Variants in ATP5PB observed in about 807,000 individuals in gnomAD.
The protein encoded by ATP5PB is ATP synthase peripheral stalk-membrane subunit b.
Under a neutral mutation model 34.5 loss-of-function variants are expected in ATP5PB, and 21 were observed. That is an observed-to-expected ratio of 0.61 (90% CI 0.43 to 0.88). The LOEUF is 0.88. Among genes scored for constraint, ATP5PB ranks in the 40% least tolerant of loss-of-function variants. The probability of loss-of-function intolerance (pLI) is 0.00; values close to 1 mark genes in which losing one functional copy is unlikely to be tolerated. For missense variants in ATP5PB, 293 were observed against 317.4 expected (o/e 0.92, Z 0.58); for synonymous variants, 108 against 114.1 (o/e 0.95, Z 0.34).
At chr1:111,449,690 T>C in intron 1 of ATP5PB, 109 bp downstream of exon 1, 2 of 1,537,772 alleles carry the variant, frequency 1.3e-6, no homozygotes, top group Non-Finnish European at 1.8e-6. Context: ...GAGAGGCGAG[T>C]GGTCAGTGCA....
chr1:111,457,342 A>AC (rs1557801147), intron 5 of ATP5PB, among the ~76,000 whole-genome samples: 2 of 134,782 alleles, frequency 1.5e-5, no homozygotes, highest in African/African-American at 6.1e-5. Context: ...CACACACACA[A>AC]ACAACAAATT....
At chr1:111,454,573 T>A (rs189079612) in intron 3 of ATP5PB, among the ~76,000 whole-genome samples, 1 of 152,092 alleles carries the variant, frequency 6.6e-6, no homozygotes, top group Non-Finnish European at 1.5e-5. Context: ...CACCTCAGCC[T>A]CCCGAGTAGC....
rs143447407 is a variant in ATP5PB, at chr1:111,449,863, C to T, written c.67C>T (p.Leu23=). 9 of 1,614,130 alleles carry T rather than the reference C, an allele frequency of 5.6e-6. No homozygotes were observed. The highest frequency in any genetic ancestry group is 6.8e-6 in the Non-Finnish European group (8 of 1,179,996). The change falls in exon 2 of 7, where the codon CTA becomes TTA. Residue 23 remains leucine, a synonymous_variant. Coordinates refer to ENST00000369722, the MANE Select transcript of ATP5PB (RefSeq NM_001688.5). ...CCCCTCTCTGAAGAATGCAGCCTTC[C>T]TAGGTCCAGGGTAAGTGTGAGGATA... The part of the protein sequence containing the change: ...AAPSLKNAAF[L]GPGVLQATRT...
At position 111,462,389 on chromosome 1, in the gene ATP5PB, A is replaced by G. The variant is rs1653646087; in HGVS notation, c.*1395A>G. On this transcript the variant is annotated 3_prime_UTR_variant, in exon 7 of 7. Transcript: ENST00000369722. ...GTGGCACATTAAGGATGTATTTAATACTGTTCTTAAATGGTACACTTAAAA... is the reference window on the plus strand; with the variant it reads ...GTGGCACATTAAGGATGTATTTAATGCTGTTCTTAAATGGTACACTTAAAA... 1 of 152,240 alleles carries G rather than the reference A, an allele frequency of 6.6e-6. No individual in the cohort carries two copies. The highest frequency in any genetic ancestry group is 1.5e-5 in the Non-Finnish European group (1 of 68,036). 9.4% of individuals were successfully genotyped at this position (152,240 alleles called of 1,614,324 possible). A position where few individuals can be genotyped will look rare whatever the true frequency, so the allele number is the denominator to read the frequency against.
At chr1:111,458,646 T>C (rs1420610855) in intron 5 of ATP5PB, among the ~76,000 whole-genome samples, 1 of 152,140 alleles carries the variant, frequency 6.6e-6, no homozygotes, top group South Asian at 2.1e-4. Flanking sequence ...GAACTTTGAC[T>C]TGGACTCTGA....
rs770487268 is a variant in ATP5PB, at chr1:111,459,586, A to C, written c.643A>C (p.Met215Leu). The change falls in exon 6 of 7, where the codon ATG becomes CTG. Residue 215 changes from methionine to leucine, a missense_variant. Transcript: ENST00000369722. ...NMMRRKEQEH[M>L]INWVEKHVVQ... Reference sequence around the variant, plus strand: ...GATGCGTCGAAAGGAACAAGAACACATGATAAATTGGGTGGAGAAGCACGT... The same window carrying C: ...GATGCGTCGAAAGGAACAAGAACACCTGATAAATTGGGTGGAGAAGCACGT... The C allele has an allele frequency of 6.2e-7, 1 of 1,613,832 alleles. No individual in the cohort carries two copies. The highest frequency in any genetic ancestry group is 1.3e-5 in the African/African-American group (1 of 74,926).
Position 111,456,219 on chromosome 1 carries a change from T to C in ATP5PB, c.357T>C (p.Phe119=). ...ATGGAATTAAAAAATATGGTCCCTT[T>C]GTTGCAGACTTTGCTGATAAACTCA... ...MVYGIKKYGP[F]VADFADKLNE... is the part of the protein sequence containing the mutation. Residue 119 remains phenylalanine (F), a synonymous_variant, in exon 4 of 7, where the codon TTT becomes TTC. Coordinates refer to ENST00000369722, the MANE Select transcript of ATP5PB (RefSeq NM_001688.5). 1 of 1,606,570 alleles carries C rather than the reference T, an allele frequency of 6.2e-7. No homozygotes were observed. Among genetic ancestry groups the C allele is most frequent in the Admixed American group, 1.7e-5 (1 of 58,166 alleles).
rs1255447930 is a variant in ATP5PB, at chr1:111,461,426, G to A, written c.*432G>A. 1 of 170,436 alleles carries A rather than the reference G, an allele frequency of 5.9e-6. No individual in the cohort carries two copies. The highest frequency in any genetic ancestry group is 1.6e-4 in the East Asian group (1 of 6,274). 10.6% of individuals were successfully genotyped at this position (170,436 alleles called of 1,614,324 possible). A position where few individuals can be genotyped will look rare whatever the true frequency, so the allele number is the denominator to read the frequency against. ...CATTGAACTACTGTCTTGTTTATGA[G>A]ACCATTCAGTGGTGAACTGTTTCTG... On this transcript the variant is annotated 3_prime_UTR_variant, in exon 7 of 7. Coordinates refer to ENST00000369722, the MANE Select transcript of ATP5PB (RefSeq NM_001688.5).
chr1:111,457,312 A>AACACACACACAC (rs111663185), intron 5 of ATP5PB, among the ~76,000 whole-genome samples: 3,553 of 146,782 alleles, frequency 0.024, 120 homozygotes, highest in African/African-American at 0.082. Flanking sequence ...GACTCTCTCA[A>AACACACACACAC]ACACACACAC....
intron 5 of ATP5PB, among the ~76,000 whole-genome samples, chr1:111,458,037 T>C (rs1653522222): frequency 6.6e-6 from 1 of 152,248 alleles, no homozygotes; most frequent in African/African-American, 2.4e-5. Context: ...GTTCTTCCTG[T>C]GTAGATATTC....
In ATP5PB at chr1:111,454,483, G is replaced by T. The variant is rs2101756769; in HGVS notation, c.223+127G>T. The T allele has an allele frequency of 4.0e-6, 5 of 1,242,068 alleles. No individual in the cohort carries two copies. The East Asian group carries it at 7.3e-5, about 18-fold the overall frequency. 76.9% of individuals were successfully genotyped at this position (1,242,068 alleles called of 1,614,324 possible). A position where few individuals can be genotyped will look rare whatever the true frequency, so the allele number is the denominator to read the frequency against. ...TGTTGTTGTTGTTTTTTGAGACAGGGTATTACTCTATCACCCAGGATGGAG... is the reference window on the plus strand; with the variant it reads ...TGTTGTTGTTGTTTTTTGAGACAGGTTATTACTCTATCACCCAGGATGGAG... On this transcript the variant is annotated intron_variant, in intron 3 of 6. Transcript: ENST00000369722.
At position 111,454,322 on chromosome 1, in the gene ATP5PB, C is replaced by T; in HGVS notation, c.189C>T (p.Phe63=). The T allele has an allele frequency of 6.2e-7, 1 of 1,610,112 alleles. No homozygotes were observed. The highest frequency in any genetic ancestry group is 8.5e-7 in the Non-Finnish European group (1 of 1,178,764). Residue 63 remains phenylalanine, a synonymous_variant, in exon 3 of 7, where the codon TTC becomes TTT. Coordinates refer to ENST00000369722, the MANE Select transcript of ATP5PB (RefSeq NM_001688.5). ...KVRYGLIPEE[F]FQFLYPKTGV... ...GTTATGGACTGATCCCTGAGGAATT[C>T]TTCCAGTTTCTTTATCCTAAAACTG...
chr1:111,456,499 C>A, intron 4 of ATP5PB, 131 bp from the exon 5 acceptor site: 1 of 1,261,470 alleles, frequency 7.9e-7, no homozygotes, highest in Non-Finnish European at 1.1e-6. Flanking sequence ...AGGATTTGTG[C>A]GTTTCTTTCT....
intron 2 of ATP5PB, among the ~76,000 whole-genome samples, chr1:111,452,632 G>T (rs554787572): frequency 6.6e-5 from 10 of 152,292 alleles, no homozygotes; most frequent in African/African-American, 1.9e-4. Flanking sequence ...AGCAAGAGGT[G>T]ATAAGGACTT....
At chr1:111,455,915 A>G (rs904914803) in intron 3 of ATP5PB, among the ~76,000 whole-genome samples, 171 bp from the exon 4 acceptor site, 8 of 152,222 alleles carry the variant, frequency 5.3e-5, no homozygotes, top group African/African-American at 1.9e-4. Flanking sequence ...CCCTGAGTCC[A>G]TATCTTTGTT....
chr1:111,459,519 A>G lies in ATP5PB; in HGVS notation c.576A>G (p.Glu192=). The G allele has an allele frequency of 1.2e-6, 2 of 1,613,980 alleles. No individual in the cohort carries two copies. Among genetic ancestry groups the G allele is most frequent in the Non-Finnish European group, 1.7e-6 (2 of 1,179,858 alleles). ...YRERLYRVYK[E]VKNRLDYHIS... The stretch of plus-strand genomic sequence containing the variant: ...AACGACTGTATAGAGTATATAAGGA[A>G]GTAAAGAATCGCCTGGACTATCATA... The change falls in exon 6 of 7, where the codon GAA becomes GAG. Residue 192 remains glutamate (E), a synonymous_variant. Transcript: ENST00000369722.
At chr1:111,456,286 G>A in intron 4 of ATP5PB, 37 bp downstream of exon 4, 2 of 1,524,226 alleles carry the variant, frequency 1.3e-6, no homozygotes, top group Middle Eastern at 1.8e-4. Flanking sequence ...TTTTAGACTA[G>A]CAGAAACATG....
At chr1:111,456,388 C>G (rs1653472871) in intron 4 of ATP5PB, 139 bp downstream of exon 4, 2 of 1,115,972 alleles carry the variant, frequency 1.8e-6, no homozygotes, top group Admixed American at 6.7e-5. Context: ...ACGTTAGTTA[C>G]TAATTTGAGA....
Position 111,456,067 on chromosome 1 carries a change from T to C in ATP5PB, c.224-19T>C, listed in dbSNP as rs1209984284. Reference sequence around the variant, plus strand: ...AGGCATAGCATATCCCTTCATAAAATAACTCTTTCTTCTTTTAGGACCCTA... The same window carrying C: ...AGGCATAGCATATCCCTTCATAAAACAACTCTTTCTTCTTTTAGGACCCTA... On this transcript the variant is annotated intron_variant, in intron 3 of 6. Transcript: ENST00000369722. The C allele has an allele frequency of 1.3e-6, 2 of 1,544,160 alleles. No homozygotes were observed. Among genetic ancestry groups the C allele is most frequent in the African/African-American group, 2.8e-5 (2 of 71,870 alleles).
Sources: allele counts gnomAD v4.1 joint callset (sites outside exome capture counted in the v4.1 genomes callset), GRCh38; gene constraint gnomAD v4.1.1; transcripts MANE v1.5; gene names NCBI Gene and HGNC (gene_info 2026-07-23, HGNC 2026-07-21).